The following ARHGAP35 variants were observed in gnomAD, a reference collection of about 807,000 sequenced individuals.
The protein encoded by ARHGAP35 is Rho GTPase activating protein 35, also known as rho GTPase-activating protein 35.
ARHGAP35 carries 15 observed loss-of-function variants against 111.1 expected under a neutral mutation model. The observed-to-expected ratio is 0.13, with a 90% CI of 0.09 to 0.21. The LOEUF (loss-of-function observed/expected upper bound fraction) is 0.21. ARHGAP35 is among the 10% of genes least tolerant of loss of function. ARHGAP35 has a pLI of 1.00. For synonymous variants in ARHGAP35, 643 were observed against 710.3 expected (o/e 0.91, Z 1.51); for missense variants, 1,262 against 1,873.0 (o/e 0.67, Z 6.02).
At chr19:46,976,448 C>T (rs1599859612) in intron 3 of ARHGAP35, among the ~76,000 whole-genome samples, 1 of 152,326 alleles carries the variant, frequency 6.6e-6, no homozygotes, top group East Asian at 1.9e-4. Flanking sequence ...TGCCCTGGCA[C>T]ACCGCCTGGA....
chr19:46,976,210 C>CTTTTTTTTTTTTTTTTTTTTTT (rs772367746), intron 3 of ARHGAP35, among the ~76,000 whole-genome samples: 1 of 118,732 alleles, frequency 8.4e-6, no homozygotes. Flanking sequence ...AAGCTTTCTC[C>CTTTTTTTTTTTTTTTTTTTTTT]TTTTTTTTTT....
intron 1 of ARHGAP35, among the ~76,000 whole-genome samples, chr19:46,900,463 C>T (rs984552073): frequency 5.3e-5 from 8 of 152,158 alleles, no homozygotes; most frequent in Admixed American, 6.5e-5. Flanking sequence ...TCAAGTGATC[C>T]GCCCACCTTG....
At chr19:46,894,003 AT>A (rs924704232) in intron 1 of ARHGAP35, among the ~76,000 whole-genome samples, 9 of 143,048 alleles carry the variant, frequency 6.3e-5, no homozygotes, top group East Asian at 2.0e-4. Flanking sequence ...CTGATTTGGG[AT>A]TTTTTTTTAC....
At chr19:46,930,554 T>C (rs369524151) in intron 2 of ARHGAP35, among the ~76,000 whole-genome samples, 2 of 145,226 alleles carry the variant, frequency 1.4e-5, no homozygotes, top group African/African-American at 5.2e-5. Flanking sequence ...TTACCAAGCA[T>C]TTAAAAGGTT....
intron 5 of ARHGAP35, among the ~76,000 whole-genome samples, chr19:46,996,363 A>G (rs1167320658): frequency 6.6e-6 from 1 of 152,146 alleles, no homozygotes; most frequent in Non-Finnish European, 1.5e-5. Context: ...TCAGCCTCCC[A>G]AGTGCTGGGA....
At chr19:46,972,668 A>G (rs1374347674) in intron 3 of ARHGAP35, among the ~76,000 whole-genome samples, 1 of 152,128 alleles carries the variant, frequency 6.6e-6, no homozygotes, top group East Asian at 1.9e-4. Flanking sequence ...ACATATTAAA[A>G]GAGATAATAT....
chr19:46,952,302 C>T (rs1428351285), intron 3 of ARHGAP35, among the ~76,000 whole-genome samples: 1 of 152,064 alleles, frequency 6.6e-6, no homozygotes, highest in Admixed American at 6.5e-5. Flanking sequence ...TTGTGCTGTT[C>T]AATTTAAATT....
chr19:46,867,159 C>G (rs2055862371), intron 1 of ARHGAP35, among the ~76,000 whole-genome samples: 1 of 152,230 alleles, frequency 6.6e-6, no homozygotes, highest in African/African-American at 2.4e-5. Flanking sequence ...CAGATACTTT[C>G]AGCCATGAAG....
At chr19:46,984,587 C>G (rs2056638922) in intron 3 of ARHGAP35, among the ~76,000 whole-genome samples, 3 of 152,192 alleles carry the variant, frequency 2.0e-5, no homozygotes, top group African/African-American at 7.2e-5. Flanking sequence ...ACTAGCCAAG[C>G]AAATGCTACC....
At chr19:46,936,797 A>C (rs978640610) in intron 2 of ARHGAP35, among the ~76,000 whole-genome samples, 4 of 152,116 alleles carry the variant, frequency 2.6e-5, no homozygotes, top group Non-Finnish European at 5.9e-5. Context: ...ATAGAAAATT[A>C]AAAGTAGTGA....
chr19:46,864,019 A>T (rs1160753899), intron 1 of ARHGAP35, among the ~76,000 whole-genome samples: 1 of 152,254 alleles, frequency 6.6e-6, no homozygotes, highest in Non-Finnish European at 1.5e-5. Flanking sequence ...TCCCTGCCAC[A>T]GGAGCTGAGT....
At chr19:46,863,416 G>A (rs1426791444) in intron 1 of ARHGAP35, among the ~76,000 whole-genome samples, 1 of 152,148 alleles carries the variant, frequency 6.6e-6, no homozygotes, top group Non-Finnish European at 1.5e-5. Flanking sequence ...TTAGTAGTGT[G>A]GGGGGAGGTA....
chr19:46,946,027 A>C (rs1334527247), intron 3 of ARHGAP35, among the ~76,000 whole-genome samples: 6 of 152,218 alleles, frequency 3.9e-5, no homozygotes, highest in African/African-American at 1.4e-4. Flanking sequence ...TTCTCTCTTG[A>C]GTTATGATGT....
chr19:46,994,923 C>T lies in ARHGAP35; in HGVS notation c.4037-4381C>T, dbSNP rs974230581. The stretch of plus-strand genomic sequence containing the variant: ...ATGGGGCGCTGTCACCACACAACCT[C>T]ACCCATCCCCACGTGCTCAGCCCAG... On this transcript the variant is annotated intron_variant, in intron 5 of 6. Coordinates refer to ENST00000672722, the MANE Select transcript of ARHGAP35 (RefSeq NM_004491.5). This position sits in a 1 kb window ranked among gnomAD's most constrained non-coding sequence, Gnocchi z 5.4. 1.3e-5 allele frequency among the ~76,000 whole-genome samples: 2 copies of T among 152,216 alleles called. No homozygotes were observed. Among genetic ancestry groups the T allele is most frequent in the Admixed American group, 1.3e-4 (2 of 15,286 alleles).
At chr19:46,976,409 C>G (rs1381820490) in intron 3 of ARHGAP35, among the ~76,000 whole-genome samples, 1 of 152,212 alleles carries the variant, frequency 6.6e-6, no homozygotes, top group East Asian at 1.9e-4. Context: ...CGGATTTCCT[C>G]AGGCCCCAGT....
At chr19:46,974,486 ATAAC>A (rs1555765103) in intron 3 of ARHGAP35, among the ~76,000 whole-genome samples, 1 of 152,186 alleles carries the variant, frequency 6.6e-6, no homozygotes, top group Non-Finnish European at 1.5e-5. Flanking sequence ...TATAAAGGAT[ATAAC>A]TCAGGAACAA....
chr19:46,942,564 G>A (rs928257451), intron 3 of ARHGAP35, among the ~76,000 whole-genome samples: 8 of 152,086 alleles, frequency 5.3e-5, no homozygotes, highest in Admixed American at 1.3e-4. Context: ...TTGAACCCAC[G>A]AGGCGGAGGT....
intron 2 of ARHGAP35, among the ~76,000 whole-genome samples, chr19:46,932,290 T>C (rs969052456): frequency 6.6e-6 from 1 of 152,006 alleles, no homozygotes; most frequent in African/African-American, 2.4e-5. Context: ...TCAGTAAAAA[T>C]AAATAAATAA....
At chr19:46,862,740 G>C (rs575798679) in intron 1 of ARHGAP35, among the ~76,000 whole-genome samples, 1 of 151,908 alleles carries the variant, frequency 6.6e-6, no homozygotes, top group Non-Finnish European at 1.5e-5. Flanking sequence ...TGGGGTTCTT[G>C]TCACTGTGTC....
Sources: allele counts gnomAD v4.1 joint callset (sites outside exome capture counted in the v4.1 genomes callset), GRCh38; gene constraint gnomAD v4.1.1; non-coding constraint Gnocchi (gnomAD v3.1); transcripts MANE v1.5; gene names NCBI Gene and HGNC (gene_info 2026-07-23, HGNC 2026-07-21).